RFX4: variants seen among roughly 807,000 people sequenced by gnomAD.
The protein encoded by RFX4 is transcription factor RFX4.
RFX4 carries 10 observed loss-of-function variants against 95.0 expected under a neutral mutation model. The ratio of observed to expected loss-of-function variants is 0.11; its 90% confidence interval spans 0.06 to 0.18. RFX4 has a LOEUF of 0.18. Ranked by LOEUF, RFX4 falls within the 10% of genes least tolerant of loss-of-function variation. RFX4 has a pLI of 1.00. For missense variants in RFX4, 640 were observed against 922.0 expected (o/e 0.69, Z 3.96); for synonymous variants, 321 against 340.7 (o/e 0.94, Z 0.64).
chr12:106,622,972 A>T (rs368366657), intron 2 of RFX4, among the ~76,000 whole-genome samples: 1 of 151,254 alleles, frequency 6.6e-6, no homozygotes, highest in Non-Finnish European at 1.5e-5. Flanking sequence ...CCAAAGTCAC[A>T]TAGCTGGTAA....
chr12:106,738,350 G>A (rs2042749653), intron 15 of RFX4, among the ~76,000 whole-genome samples: 2 of 152,198 alleles, frequency 1.3e-5, no homozygotes, highest in South Asian at 4.1e-4. Context: ...AGGGAATAAG[G>A]GATGGGAGGG....
intron 7 of RFX4, among the ~76,000 whole-genome samples, chr12:106,693,586 G>A (rs938368273): frequency 2.6e-5 from 4 of 152,198 alleles, no homozygotes; most frequent in African/African-American, 7.2e-5. Context: ...GACCTGACCT[G>A]AGCCTGATGC....
At chr12:106,711,409 A>G in intron 9 of RFX4, 44 bp from the exon 10 acceptor site, 1 of 1,571,802 alleles carries the variant, frequency 6.4e-7, no homozygotes, top group Non-Finnish European at 8.8e-7. Context: ...AGTTAGAATC[A>G]TAAAGCATGC....
chr12:106,618,237 CAT>C (rs2040112358), intron 2 of RFX4, among the ~76,000 whole-genome samples: 1 of 149,880 alleles, frequency 6.7e-6, no homozygotes, highest in South Asian at 2.1e-4. Flanking sequence ...TTATAGATAA[CAT>C]ATGTTATAGA....
At chr12:106,591,830 A>T (rs1025652829) in intron 1 of RFX4, among the ~76,000 whole-genome samples, 1 of 152,240 alleles carries the variant, frequency 6.6e-6, no homozygotes, top group East Asian at 1.9e-4. Context: ...AATATATTGC[A>T]TCTAGAAGTC....
At chr12:106,666,400 A>G (rs1023689579) in intron 4 of RFX4, among the ~76,000 whole-genome samples, 4 of 151,944 alleles carry the variant, frequency 2.6e-5, no homozygotes, top group Non-Finnish European at 5.9e-5. Flanking sequence ...TTTATTTGAC[A>G]TTTATCCTGC....
chr12:106,650,674 G>A (rs2040840287), intron 3 of RFX4, among the ~76,000 whole-genome samples: 1 of 152,054 alleles, frequency 6.6e-6, no homozygotes, highest in South Asian at 2.1e-4. Flanking sequence ...GTTGCGGTGA[G>A]CCGAGATGTC....
intron 10 of RFX4, among the ~76,000 whole-genome samples, chr12:106,714,538 T>C (rs891549873): frequency 6.6e-6 from 1 of 152,228 alleles, no homozygotes; most frequent in East Asian, 1.9e-4. Context: ...AATGTCTTCG[T>C]GTATTTTAAT....
At chr12:106,584,345 C>G (rs1169890232) in intron 1 of RFX4, among the ~76,000 whole-genome samples, 1 of 152,138 alleles carries the variant, frequency 6.6e-6, no homozygotes, top group Non-Finnish European at 1.5e-5. Context: ...ATTCTTGCAA[C>G]CCGGCTATTT....
At position 106,750,705 on chromosome 12, in the gene RFX4, C is replaced by T. The variant is rs1293196612; in HGVS notation, c.1847C>T (p.Pro616Leu). 1 of 1,610,510 alleles carries T rather than the reference C, an allele frequency of 6.2e-7. No individual in the cohort carries two copies. Among genetic ancestry groups the T allele is most frequent in the Non-Finnish European group, 8.5e-7 (1 of 1,178,612 alleles). The part of the protein sequence containing the change: ...YGSYGNQHPH[P>L]MQSQYPALPH... The stretch of plus-strand genomic sequence containing the variant: ...AGCTATGGCAACCAGCATCCTCACC[C>T]CATGCAGAGCCAGTATCCGGCCCTC... Residue 616 changes from proline (P) to leucine (L), a missense_variant, in exon 17 of 18, where the codon CCC becomes CTC. Physicochemically the swap from Pro to Leu is moderately conservative, Grantham distance 98. This residue lies in a region of RFX4 where 300 missense variants were observed against 346.8 expected (regional missense o/e 0.87). Coordinates refer to ENST00000392842, the MANE Select transcript of RFX4 (RefSeq NM_213594.3).
rs1162341030 is a variant in RFX4 at position 106,727,705 on chromosome 12, C to T, written c.1352-4425C>T. Among the ~76,000 whole-genome samples the T allele has an allele frequency of 3.9e-5, 6 of 151,940 alleles. No individual in the cohort carries two copies. The East Asian group carries it at 5.8e-4, about 15-fold the overall frequency. Reference sequence around the variant, plus strand: ...CACGACCTCAGCTCACTGCAACCTCCGCCTCCTGGGTTCAAACCATTCTCC... The same window carrying T: ...CACGACCTCAGCTCACTGCAACCTCTGCCTCCTGGGTTCAAACCATTCTCC... On this transcript the variant is annotated intron_variant, in intron 13 of 17. Transcript: ENST00000392842.
chr12:106,585,116 G>T (rs1333029319), intron 1 of RFX4, among the ~76,000 whole-genome samples: 1 of 152,252 alleles, frequency 6.6e-6, no homozygotes, highest in African/African-American at 2.4e-5. Flanking sequence ...TGCAGAGTTT[G>T]TGGCCAAGTA....
At chr12:106,660,772 ACCTCCTGTCAGATC>A (rs2041054609) in intron 4 of RFX4, among the ~76,000 whole-genome samples, 2 of 152,070 alleles carry the variant, frequency 1.3e-5, no homozygotes, top group South Asian at 4.2e-4. Context: ...CCTGAGCTCC[ACCTCCTGTCAGATC>A]AGTGGTGGCA....
At chr12:106,638,461 C>T (rs1225981512) in intron 2 of RFX4, among the ~76,000 whole-genome samples, 1 of 151,848 alleles carries the variant, frequency 6.6e-6, no homozygotes, top group Non-Finnish European at 1.5e-5. Context: ...CTAAACCCTG[C>T]TCCATTGCAT....
At position 106,731,215 on chromosome 12, in the gene RFX4, G is replaced by A. The variant is rs115494161; in HGVS notation, c.1352-915G>A. Among the ~76,000 whole-genome samples, 1,260 of 152,266 alleles carry A rather than the reference G, an allele frequency of 8.3e-3. 18 individuals carry two copies. Among genetic ancestry groups the A allele is most frequent in the African/African-American group, 0.029 (1,190 of 41,552 alleles). ...CTGGGTCCATGAGGCCTTGATTACA[G>A]TAGACATTAACTGAGCCCCTACCGA... On this transcript the variant is annotated intron_variant, in intron 13 of 17. Coordinates refer to ENST00000392842, the MANE Select transcript of RFX4 (RefSeq NM_213594.3).
At chr12:106,757,689 T>C (rs1219834343) in intron 17 of RFX4, among the ~76,000 whole-genome samples, 1 of 152,148 alleles carries the variant, frequency 6.6e-6, no homozygotes, top group Non-Finnish European at 1.5e-5. Flanking sequence ...CCGCCTTTCA[T>C]AGGAAAACAG....
intron 4 of RFX4, among the ~76,000 whole-genome samples, chr12:106,669,769 T>C (rs751745675): frequency 6.6e-6 from 1 of 152,148 alleles, no homozygotes; most frequent in Non-Finnish European, 1.5e-5. Flanking sequence ...TATATTTTTC[T>C]TAATATTTTT....
intron 1 of RFX4, among the ~76,000 whole-genome samples, chr12:106,590,971 G>C (rs1179885581): frequency 6.6e-6 from 1 of 151,172 alleles, no homozygotes; most frequent in Non-Finnish European, 1.5e-5. Flanking sequence ...AAGAAAGGAA[G>C]GAAGGAAAAG....
chr12:106,709,345 T>G lies in RFX4; in HGVS notation c.849T>G (p.Ile283Met). ...CTTTTTCTAGCTTAACTCAGGTGAT[T>G]CGAAAGTTTGCCAAGCAACTGGATG... is the stretch of plus-strand genomic sequence containing the variant. ...QALPDSLTQV[I>M]RKFAKQLDEW... The change falls in exon 9 of 18, where the codon ATT (isoleucine) becomes ATG (methionine). Residue 283 changes from isoleucine to methionine, a missense_variant. Around this residue, in one of 7 missense-constraint regions of RFX4, gnomAD observed 96 missense variants for 183.7 expected, o/e 0.52. Transcript: ENST00000392842. 1 of 1,613,516 alleles carries G rather than the reference T, an allele frequency of 6.2e-7. No homozygotes were observed.
Sources: gnomAD v4.1 joint callset for allele counts (sites outside exome capture counted in the v4.1 genomes callset) on GRCh38, gnomAD v4.1.1 for gene constraint, gnomAD v4.1.1 regional missense constraint, MANE v1.5 for transcripts, NCBI Gene and HGNC (gene_info 2026-07-23, HGNC 2026-07-21) for gene names.